Variants in POLA1 observed in about 807,000 individuals in gnomAD.
POLA1 encodes the protein DNA polymerase alpha 1, catalytic subunit.
POLA1 carries 15 observed loss-of-function variants against 124.0 expected under a neutral mutation model. That is an observed-to-expected ratio of 0.12 (90% CI 0.08 to 0.19). The LOEUF is 0.19. Ranked by LOEUF, POLA1 falls within the 10% of genes least tolerant of loss-of-function variation. The pLI, the probability that POLA1 is intolerant of heterozygous loss-of-function variation, is 1.00. For synonymous variants in POLA1, 408 were observed against 389.4 expected, an observed-to-expected ratio of 1.05 and a Z score of -0.56; for missense variants, 886 against 1,103.4, an observed-to-expected ratio of 0.80 and a Z score of 2.79.
chrX:24,941,121 A>G (rs2047904748), intron 36 of POLA1, among the ~76,000 whole-genome samples: 1 of 111,636 alleles, frequency 9.0e-6, no homozygotes, highest in Non-Finnish European at 1.9e-5. Flanking sequence ...ATTTCTTCTC[A>G]TGGTTTCAGA....
chrX:24,784,886 A>C (rs968282074), intron 26 of POLA1, among the ~76,000 whole-genome samples: 2 of 111,219 alleles, frequency 1.8e-5, no homozygotes, highest in African/African-American at 3.3e-5. Context: ...GTTCTGCACT[A>C]AACAGAAAAC....
intron 34 of POLA1, among the ~76,000 whole-genome samples, chrX:24,874,174 G>A (rs1191709716): frequency 1.8e-5 from 2 of 112,037 alleles, no homozygotes; most frequent in African/African-American, 6.5e-5. Flanking sequence ...TTAAAATTTA[G>A]GGTTTAAATA....
intron 4 of POLA1, among the ~76,000 whole-genome samples, chrX:24,712,064 T>C (rs1329353883): frequency 8.9e-6 from 1 of 112,109 alleles, no homozygotes; most frequent in Non-Finnish European, 1.9e-5. Flanking sequence ...GGCATTTCAG[T>C]GTGGTTTTCA....
intron 36 of POLA1, among the ~76,000 whole-genome samples, chrX:24,961,707 C>T (rs1042843807): frequency 9.0e-6 from 1 of 111,568 alleles, no homozygotes; most frequent in African/African-American, 3.3e-5. Context: ...GAGAGATTCT[C>T]CACTTCAAAT....
intron 32 of POLA1, among the ~76,000 whole-genome samples, chrX:24,826,989 G>A (rs890511968): frequency 8.9e-6 from 1 of 112,051 alleles, no homozygotes; most frequent in Non-Finnish European, 1.9e-5. Context: ...TGTCTCTGTC[G>A]CTGAAGGTAT....
At chrX:24,919,478 G>A (rs1452061591) in intron 35 of POLA1, among the ~76,000 whole-genome samples, 1 of 111,066 alleles carries the variant, frequency 9.0e-6, no homozygotes, top group Non-Finnish European at 1.9e-5. Context: ...AAGGTTACCT[G>A]GCCTCTCTGA....
At chrX:24,901,760 T>C (rs922805377) in intron 35 of POLA1, among the ~76,000 whole-genome samples, 3 of 111,762 alleles carry the variant, frequency 2.7e-5, no homozygotes, top group African/African-American at 9.8e-5. Context: ...TGTGACGTTA[T>C]ATAGAAGGAA....
intron 36 of POLA1, among the ~76,000 whole-genome samples, chrX:24,935,753 A>T (rs1418362737): frequency 8.9e-6 from 1 of 112,503 alleles, no homozygotes; most frequent in Non-Finnish European, 1.9e-5. Context: ...ACCCAGAAGA[A>T]CTAGGCTGCC....
intron 36 of POLA1, among the ~76,000 whole-genome samples, chrX:24,995,504 G>A (rs1230509670): frequency 8.9e-6 from 1 of 112,166 alleles, no homozygotes; most frequent in African/African-American, 3.2e-5. Context: ...GCGTCTGCGA[G>A]TAGAGCTCAC....
In POLA1 at chrX:24,858,045, TAAATAA is replaced by T. The variant is rs757275338; in HGVS notation, c.4047+14369_4047+14374del. ...CTGTATCAAGTTGATTGTGTACTTA[TAAATAA>T]GAAGGGAGTTAAATTTCTAAAACAC... is the stretch of plus-strand genomic sequence containing the variant. On this transcript the variant is annotated intron_variant, in intron 34 of 36. Coordinates refer to ENST00000379068, the MANE Select transcript of POLA1 (RefSeq NM_001330360.2). 8.9e-5 allele frequency among the ~76,000 whole-genome samples: 10 copies of T among 112,292 alleles called. No homozygotes were observed. In the East Asian group the frequency reaches 2.8e-3, roughly 31 times the overall value.
At chrX:24,848,513 A>G (rs1263959388) in intron 34 of POLA1, among the ~76,000 whole-genome samples, 2 of 111,967 alleles carry the variant, frequency 1.8e-5, no homozygotes, top group Non-Finnish European at 3.8e-5. Flanking sequence ...AAACAAAAAA[A>G]CTTTAAAATT....
At chrX:24,795,385 C>A (rs867444913) in intron 26 of POLA1, among the ~76,000 whole-genome samples, 2 of 111,548 alleles carry the variant, frequency 1.8e-5, no homozygotes, top group Non-Finnish European at 3.8e-5. Flanking sequence ...AATTTGTATA[C>A]CCTCAATGGT....
At chrX:24,935,058 A>G (rs774119299) in intron 36 of POLA1, among the ~76,000 whole-genome samples, 8 of 111,838 alleles carry the variant, frequency 7.2e-5, no homozygotes, top group African/African-American at 2.6e-4. Context: ...ATCTTCTCCC[A>G]GTGTCTTCCC....
intron 10 of POLA1, 116 bp downstream of exon 10, chrX:24,717,874 C>T (rs1430858355): frequency 1.4e-5 from 7 of 513,631 alleles, no homozygotes; most frequent in Non-Finnish European, 1.8e-5. Flanking sequence ...CAGTTTATTT[C>T]TGTTTTTTTT....
rs1457204245 is a variant in POLA1, at chrX:24,996,523, C to T, written c.*573C>T. The T allele has an allele frequency of 8.9e-6, 1 of 112,882 alleles. No homozygotes were observed. The highest frequency in any genetic ancestry group is 1.9e-5 in the Non-Finnish European group (1 of 53,322). 9.3% of individuals were successfully genotyped at this position (112,882 alleles called of 1,213,427 possible). On this transcript the variant is annotated 3_prime_UTR_variant, in exon 37 of 37. Transcript: ENST00000379068. ...CACTAAATAGATTAAACAGAGCAGGCTTGTTTGTTGAATTGCTCCAAAGTC... is the reference window on the plus strand; with the variant it reads ...CACTAAATAGATTAAACAGAGCAGGTTTGTTTGTTGAATTGCTCCAAAGTC...
At chrX:24,774,865 A>G (rs2045104680) in intron 26 of POLA1, among the ~76,000 whole-genome samples, 1 of 112,085 alleles carries the variant, frequency 8.9e-6, no homozygotes, top group African/African-American at 3.2e-5. Context: ...CACACTTGTC[A>G]AGGGTTTATG....
At chrX:24,804,483 ATATCAT>A (rs776771624) in intron 26 of POLA1, among the ~76,000 whole-genome samples, 1 of 111,779 alleles carries the variant, frequency 8.9e-6, no homozygotes, top group African/African-American at 3.2e-5. Flanking sequence ...TTCTAATTTT[ATATCAT>A]CGGTAATGGA....
At chrX:24,818,406 A>G (rs2046029040) in intron 30 of POLA1, among the ~76,000 whole-genome samples, 1 of 111,734 alleles carries the variant, frequency 8.9e-6, no homozygotes, top group Admixed American at 9.5e-5. Context: ...AAGACAATCA[A>G]AACTTCACGT....
At chrX:24,982,051 T>A (rs758236213) in intron 36 of POLA1, among the ~76,000 whole-genome samples, 1 of 108,568 alleles carries the variant, frequency 9.2e-6, no homozygotes, top group African/African-American at 3.3e-5. Context: ...TTGGAGTGGG[T>A]TCCCCCTTCT....
Sources: gnomAD v4.1 joint callset for allele counts (sites outside exome capture counted in the v4.1 genomes callset) on GRCh38, gnomAD v4.1.1 for gene constraint, MANE v1.5 for transcripts, NCBI Gene and HGNC (gene_info 2026-07-23, HGNC 2026-07-21) for gene names.